Variants in ERBB2 observed in about 807,000 individuals in gnomAD.
ERBB2 encodes receptor tyrosine-protein kinase erbB-2.
A neutral mutation model predicts 149.0 loss-of-function variants in ERBB2; 61 were observed. The ratio of observed to expected loss-of-function variants is 0.41; its 90% CI spans 0.33 to 0.51. The LOEUF is 0.51. Ranked by LOEUF, ERBB2 falls within the 20% of genes least tolerant of loss-of-function variation. The probability of loss-of-function intolerance (pLI) is 0.25; values close to 1 mark genes in which losing one functional copy is unlikely to be tolerated. For synonymous variants in ERBB2, 633 were observed against 678.8 expected (o/e 0.93, Z 1.05); for missense variants, 1,205 against 1,655.1 (o/e 0.73, Z 4.72).
At chr17:39,699,353 C>T (rs918319994), upstream of ERBB2, among the ~76,000 whole-genome samples, 4 of 151,602 alleles carry the variant, frequency 2.6e-5, no homozygotes, top group South Asian at 2.1e-4. Context: ...CCCAGCTGCT[C>T]GGGAGGCTGA....
At chr17:39,707,999 CA>C (rs924270219) in intron 2 of ERBB2, 6,473 of 212,216 alleles carry the variant, frequency 0.031, no homozygotes, top group Middle Eastern at 0.053. Context: ...AACTCCGTCT[CA>C]AAAAAAAAAA....
upstream of ERBB2, chr17:39,693,434 G>A (rs1224829641): frequency 6.6e-6 from 1 of 152,092 alleles, no homozygotes; most frequent in Non-Finnish European, 1.5e-5. Context: ...CAAAATGTGT[G>A]TAAATGGACT....
At chr17:39,718,855 G>A (rs1006150944) in intron 15 of ERBB2, among the ~76,000 whole-genome samples, 3 of 152,174 alleles carry the variant, frequency 2.0e-5, no homozygotes, top group Admixed American at 6.5e-5. Flanking sequence ...CCACACACAA[G>A]TGAGCCCTCT....
At chr17:39,711,842 T>G in intron 7 of ERBB2, 86 bp from the exon 8 acceptor site, 1 of 1,538,840 alleles carries the variant, frequency 6.5e-7, no homozygotes. Flanking sequence ...TTGATATTAT[T>G]CTTCTTGTGC....
rs748496676 is a variant in ERBB2 at position 39,717,310 on chromosome 17, C to T, written c.1738-10C>T. On this transcript the variant is annotated splice_polypyrimidine_tract_variant and intron_variant, in intron 14 of 26. Transcript: ENST00000269571. Reference sequence around the variant, plus strand: ...GCCAGCCCCCCACAAATCTTTTCTGCCCCCCCCAGGAGGCTGACCAGTGTG... The same window carrying T: ...GCCAGCCCCCCACAAATCTTTTCTGTCCCCCCCAGGAGGCTGACCAGTGTG... 37 of 1,560,810 alleles carry T rather than the reference C, an allele frequency of 2.4e-5. No individual in the cohort carries two copies. Among genetic ancestry groups the T allele is most frequent in the Non-Finnish European group, 2.6e-6 (3 of 1,148,894 alleles).
At chr17:39,709,672 C>T in intron 4 of ERBB2, 141 bp from the exon 5 acceptor site, 1 of 941,388 alleles carries the variant, frequency 1.1e-6, no homozygotes, top group Admixed American at 2.1e-5. Context: ...GGTTTGGGGG[C>T]CTCTCAGCCT....
rs2145638622 is a variant in ERBB2, at chr17:39,715,464, C to T, written c.1241C>T (p.Ala414Val). ...EEITGYLYISAWPDSLPDLSV... is the reference protein window; with the variant it reads ...EEITGYLYISVWPDSLPDLSV... ...CCTGCAGGTTACCTATACATCTCAG[C>T]ATGGCCGGACAGCCTGCCTGACCTC... The change falls in exon 11 of 27, where the codon GCA (alanine) becomes GTA (valine). Residue 414 changes from alanine to valine, a missense_variant. Ala to Val is a moderately conservative substitution (Grantham distance 64). Around this residue, in one of 6 missense-constraint regions of ERBB2, gnomAD observed 569 missense variants for 803.5 expected, o/e 0.71. Coordinates refer to ENST00000269571, the MANE Select transcript of ERBB2 (RefSeq NM_004448.4). The T allele has an allele frequency of 6.2e-7, 1 of 1,614,214 alleles. No individual in the cohort carries two copies. Among genetic ancestry groups the T allele is most frequent in the Non-Finnish European group, 8.5e-7 (1 of 1,180,040 alleles).
chr17:39,708,259 C>T lies in ERBB2; in HGVS notation c.226-62C>T, dbSNP rs539248157. The T allele has an allele frequency of 8.6e-6, 12 of 1,389,868 alleles. No individual in the cohort carries two copies. In the Admixed American group the frequency reaches 2.1e-4, roughly 25 times the overall value. The allele number at this position is 1,389,868 out of a possible 1,614,324, so 86.1% of individuals were successfully genotyped here. On this transcript the variant is annotated intron_variant, in intron 2 of 26. Transcript: ENST00000269571. ...AAGATCTCCAAGTACTGGGGAACCC[C>T]AGGGAGGCCCTGGGGGGTGGCAGTG...
rs1017884348 is a variant in ERBB2 at position 39,700,937 on chromosome 17, A to C, written c.73+626A>C. ...CTGGGGTCTGGGTTGGGGGCGGGGG[A>C]GACGTTTGCTTTGAACAGATTCTTG... On this transcript the variant is annotated intron_variant, in intron 1 of 26. Coordinates refer to ENST00000269571, the MANE Select transcript of ERBB2 (RefSeq NM_004448.4). Among the ~76,000 whole-genome samples, 5 of 133,092 alleles carry C rather than the reference A, an allele frequency of 3.8e-5. No individual in the cohort carries two copies. The Admixed American group carries it at 4.1e-4, about 11-fold the overall frequency. 87.3% of individuals were successfully genotyped at this position (133,092 alleles called of 152,430 possible). A position where few individuals can be genotyped will look rare whatever the true frequency, so the allele number is the denominator to read the frequency against.
In ERBB2 at chr17:39,700,137, C is replaced by A; in HGVS notation, c.-102C>A. The A allele has an allele frequency of 7.6e-7, 1 of 1,314,614 alleles. No homozygotes were observed. Among genetic ancestry groups the A allele is most frequent in the Non-Finnish European group, 9.6e-7 (1 of 1,038,744 alleles). 81.4% of individuals were successfully genotyped at this position (1,314,614 alleles called of 1,614,324 possible). On this transcript the variant is annotated 5_prime_UTR_variant, in exon 1 of 27. It adds an upstream start codon to the 5' untranslated region. Transcript: ENST00000269571. ...GCGCCCCTTCCCACGGGGCCCTTTA[C>A]TGCGCCGCGCGCCCGGCCCCCACCC...
In ERBB2 at chr17:39,725,597, A is replaced by AC; in HGVS notation, c.2726-109dup. The AC allele has an allele frequency of 7.6e-7, 1 of 1,321,782 alleles. No individual in the cohort carries two copies. The highest frequency in any genetic ancestry group is 1.5e-5 in the African/African-American group (1 of 68,408). The allele number at this position is 1,321,782 out of a possible 1,614,324, so 81.9% of individuals were successfully genotyped here. A position where few individuals can be genotyped will look rare whatever the true frequency, so the allele number is the denominator to read the frequency against. ...CGGGTAGGGTCTGTCTCCTGGCATCACATCTCCCCCTGCTACCTGCCATGA... is the reference window on the plus strand; with the variant it reads ...CGGGTAGGGTCTGTCTCCTGGCATCACCATCTCCCCCTGCTACCTGCCATGA... On this transcript the variant is annotated intron_variant, in intron 22 of 26. Coordinates refer to ENST00000269571, the MANE Select transcript of ERBB2 (RefSeq NM_004448.4). This position sits in a 1 kb window ranked among gnomAD's most constrained non-coding sequence, Gnocchi z 4.6.
At chr17:39,699,869 G>A (rs1567891871), upstream of ERBB2, 1 of 640,918 alleles carries the variant, frequency 1.6e-6, no homozygotes, top group South Asian at 3.1e-5. Flanking sequence ...GCGTCCCGGC[G>A]CTAGGAGGGA....
At chr17:39,702,725 A>G (rs937560883) in intron 1 of ERBB2, among the ~76,000 whole-genome samples, 6 of 152,220 alleles carry the variant, frequency 3.9e-5, no homozygotes, top group Non-Finnish European at 8.8e-5. Flanking sequence ...AACTTTTAAG[A>G]AATGTACGGT....
intron 8 of ERBB2, 71 bp from the exon 9 acceptor site, chr17:39,712,251 C>T (rs1240196020): frequency 3.8e-6 from 6 of 1,599,692 alleles, no homozygotes; most frequent in Middle Eastern, 1.6e-4. Flanking sequence ...CCCTGATGCT[C>T]ATGTGGCTGT....
rs1234899864 is a variant in ERBB2 at position 39,707,117 on chromosome 17, C to A, written c.201C>A (p.Thr67=). ...QGNLELTYLP[T]NASLSFLQDI... is the part of the protein sequence containing the mutation. ...ACCTGGAACTCACCTACCTGCCCAC[C>A]AATGCCAGCCTGTCCTTCCTGCAGG... Residue 67 remains threonine, a synonymous_variant, in exon 2 of 27, where the codon ACC becomes ACA. Coordinates refer to ENST00000269571, the MANE Select transcript of ERBB2 (RefSeq NM_004448.4). 1.3e-6 allele frequency: 2 copies of A among 1,593,960 alleles called. No individual in the cohort carries two copies. Among genetic ancestry groups the A allele is most frequent in the Non-Finnish European group, 1.7e-6 (2 of 1,169,888 alleles).
Position 39,700,272 on chromosome 17 carries a change from C to T in ERBB2, c.34C>T (p.Leu12Phe), listed in dbSNP as rs1318994039. The T allele has an allele frequency of 3.5e-6, 5 of 1,435,944 alleles. No homozygotes were observed. The highest frequency in any genetic ancestry group is 3.6e-6 in the Non-Finnish European group (4 of 1,097,196). 89.0% of individuals were successfully genotyped at this position (1,435,944 alleles called of 1,614,324 possible). A position where few individuals can be genotyped will look rare whatever the true frequency, so the allele number is the denominator to read the frequency against. The change falls in exon 1 of 27, where the codon CTC becomes TTC. Residue 12 changes from leucine to phenylalanine, a missense_variant. This residue lies in a region of ERBB2 where 101 missense variants were observed against 95.1 expected (regional missense o/e 1.06). Coordinates refer to ENST00000269571, the MANE Select transcript of ERBB2 (RefSeq NM_004448.4). ...ELAALCRWGL[L>F]LALLPPGAAS... ...GGCGGCCTTGTGCCGCTGGGGGCTCCTCCTCGCCCTCTTGCCCCCCGGAGC... is the reference window on the plus strand; with the variant it reads ...GGCGGCCTTGTGCCGCTGGGGGCTCTTCCTCGCCCTCTTGCCCCCCGGAGC...
intron 14 of ERBB2, 117 bp from the exon 15 acceptor site, chr17:39,717,203 C>T (rs1003008666): frequency 1.2e-5 from 10 of 805,810 alleles, no homozygotes; most frequent in South Asian, 1.2e-4. Flanking sequence ...AGGAGCATGG[C>T]GAAAATTGCT....
intron 1 of ERBB2, among the ~76,000 whole-genome samples, chr17:39,703,607 A>C (rs1032093651): frequency 1.3e-5 from 2 of 152,272 alleles, no homozygotes; most frequent in Admixed American, 6.5e-5. Context: ...AGTTTAGGTC[A>C]GTAAATATTC....
Position 39,728,053 on chromosome 17 carries a change from G to A in ERBB2, c.*9G>A, listed in dbSNP as rs2143325503. On this transcript the variant is annotated 3_prime_UTR_variant, in exon 27 of 27. Transcript: ENST00000269571. ...TGGACGTGCCAGTGTGAACCAGAAG[G>A]CCAAGTCCGCAGAAGCCCTGATGTG... is the stretch of plus-strand genomic sequence containing the variant. The A allele has an allele frequency of 6.4e-7, 1 of 1,557,410 alleles. No homozygotes were observed. The highest frequency in any genetic ancestry group is 1.1e-5 in the South Asian group (1 of 87,396).
Sources: gnomAD v4.1 joint callset for allele counts (sites outside exome capture counted in the v4.1 genomes callset) on GRCh38, gnomAD v4.1.1 for gene constraint, gnomAD v4.1.1 regional missense constraint, Gnocchi (gnomAD v3.1) non-coding constraint, MANE v1.5 for transcripts, NCBI Gene and HGNC (gene_info 2026-07-23, HGNC 2026-07-21) for gene names.